GPC6: variants seen among roughly 807,000 people sequenced by gnomAD.
GPC6 encodes glypican-6.
A neutral mutation model predicts 55.2 loss-of-function variants in GPC6; 14 were observed. The observed-to-expected ratio is 0.25, with a 90% CI of 0.17 to 0.40. GPC6 has a LOEUF of 0.40. GPC6 is among the 10% of genes least tolerant of loss of function. The pLI is 1.00. For synonymous variants in GPC6, 278 were observed against 259.6 expected, an observed-to-expected ratio of 1.07 and a Z score of -0.68; for missense variants, 641 against 708.5, an observed-to-expected ratio of 0.90 and a Z score of 1.08.
At chr13:93,927,858 A>G (rs74682352) in intron 3 of GPC6, among the ~76,000 whole-genome samples, 3,984 of 152,224 alleles carry the variant, frequency 0.026, 194 homozygotes, top group African/African-American at 0.091. Flanking sequence ...TTTCTTACCT[A>G]TAAATGAACT....
At chr13:94,146,362 A>G (rs749009341) in intron 4 of GPC6, among the ~76,000 whole-genome samples, 8 of 152,154 alleles carry the variant, frequency 5.3e-5, no homozygotes, top group Non-Finnish European at 1.0e-4. Context: ...GTAATTTACT[A>G]TCTAGGACAG....
intron 4 of GPC6, among the ~76,000 whole-genome samples, chr13:94,285,932 G>C (rs1185934924): frequency 1.3e-5 from 2 of 152,166 alleles, no homozygotes; most frequent in African/African-American, 2.4e-5. Context: ...CTTCAACTGG[G>C]TCTTGACTTT....
chr13:93,824,857 T>C (rs1887177679), intron 2 of GPC6, among the ~76,000 whole-genome samples: 1 of 152,060 alleles, frequency 6.6e-6, no homozygotes, highest in Non-Finnish European at 1.5e-5. Context: ...TGTTCATCCA[T>C]CGATCTATTC....
chr13:94,136,186 C>CTT (rs11321467), intron 4 of GPC6, among the ~76,000 whole-genome samples: 6 of 138,924 alleles, frequency 4.3e-5, no homozygotes, highest in Non-Finnish European at 6.3e-5. Context: ...AGTTTAGCAT[C>CTT]TTTTTTTTTT....
chr13:94,395,179 C>T (rs914837344), intron 7 of GPC6, among the ~76,000 whole-genome samples: 1 of 152,136 alleles, frequency 6.6e-6, no homozygotes, highest in African/African-American at 2.4e-5. Flanking sequence ...ATATAATTGC[C>T]TGTCAGTAAT....
chr13:93,383,279 A>G (rs1415609277), intron 1 of GPC6, among the ~76,000 whole-genome samples: 2 of 152,182 alleles, frequency 1.3e-5, no homozygotes, highest in Non-Finnish European at 2.9e-5. Context: ...TGGTGCAAAC[A>G]TGGCTCACTG....
intron 3 of GPC6, among the ~76,000 whole-genome samples, chr13:94,008,311 T>C (rs1882101173): frequency 6.6e-6 from 1 of 152,180 alleles, no homozygotes; most frequent in Non-Finnish European, 1.5e-5. Context: ...ATGTCCTCCC[T>C]AAAATAAATT....
chr13:94,272,659 A>G (rs372245505), intron 4 of GPC6, among the ~76,000 whole-genome samples: 169 of 151,604 alleles, frequency 1.1e-3, no homozygotes, highest in South Asian at 1.5e-3. Flanking sequence ...TGGTAGAGAC[A>G]GGGTTTCACC....
intron 3 of GPC6, among the ~76,000 whole-genome samples, chr13:93,961,702 A>T (rs191516970): frequency 2.0e-5 from 3 of 152,196 alleles, no homozygotes; most frequent in Non-Finnish European, 4.4e-5. Flanking sequence ...AGAGGAAATG[A>T]TGAACTTCTA....
At chr13:93,861,907 T>A (rs1013245628) in intron 3 of GPC6, among the ~76,000 whole-genome samples, 1 of 151,686 alleles carries the variant, frequency 6.6e-6, no homozygotes, top group Non-Finnish European at 1.5e-5. Context: ...TGCTTGCCTC[T>A]CTGCGCATCA....
At chr13:94,050,668 G>A (rs1883914579) in intron 4 of GPC6, among the ~76,000 whole-genome samples, 1 of 152,092 alleles carries the variant, frequency 6.6e-6, no homozygotes, top group Admixed American at 6.6e-5. Context: ...TGCCAGGATG[G>A]CCTTCAGAGA....
chr13:93,827,654 C>T (rs1200079905), intron 2 of GPC6, among the ~76,000 whole-genome samples: 1 of 152,064 alleles, frequency 6.6e-6, no homozygotes, highest in African/African-American at 2.4e-5. Context: ...TAATAGAAAA[C>T]TTTTGAGACA....
chr13:93,902,754 G>A (rs1876429757), intron 3 of GPC6, among the ~76,000 whole-genome samples: 1 of 152,106 alleles, frequency 6.6e-6, no homozygotes, highest in African/African-American at 2.4e-5. Context: ...GTGTTTCATT[G>A]TGGTTTTCAT....
chr13:93,989,603 G>A (rs1423198124), intron 3 of GPC6, among the ~76,000 whole-genome samples: 1 of 152,118 alleles, frequency 6.6e-6, no homozygotes, highest in Non-Finnish European at 1.5e-5. Flanking sequence ...CCTATGGTGT[G>A]GAGATAGGGG....
At chr13:93,660,596 C>G (rs1055560253) in intron 2 of GPC6, among the ~76,000 whole-genome samples, 3 of 152,122 alleles carry the variant, frequency 2.0e-5, no homozygotes, top group Non-Finnish European at 2.9e-5. Context: ...TCTGTTTGTC[C>G]AATCTGTTCA....
At chr13:93,339,760 C>T (rs1880175349) in intron 1 of GPC6, among the ~76,000 whole-genome samples, 1 of 152,194 alleles carries the variant, frequency 6.6e-6, no homozygotes, top group African/African-American at 2.4e-5. Flanking sequence ...ATGTCCTGCA[C>T]ACTCAAAAGC....
intron 4 of GPC6, among the ~76,000 whole-genome samples, chr13:94,280,832 G>A (rs1422987870): frequency 6.6e-6 from 1 of 151,874 alleles, no homozygotes; most frequent in African/African-American, 2.4e-5. Context: ...ACAACAATAA[G>A]GTAGATTGTG....
intron 1 of GPC6, among the ~76,000 whole-genome samples, chr13:93,472,057 T>A (rs1211760044): frequency 6.6e-6 from 1 of 152,228 alleles, no homozygotes; most frequent in Admixed American, 6.5e-5. Context: ...TAGTTCTGAT[T>A]TTTGTGCATA....
At chr13:93,612,282 G>A (rs1350732644) in intron 2 of GPC6, among the ~76,000 whole-genome samples, 3 of 152,138 alleles carry the variant, frequency 2.0e-5, no homozygotes, top group African/African-American at 4.8e-5. Context: ...TGCGGATCAC[G>A]AGTTCAGGAA....
Sources: gnomAD v4.1 joint callset for allele counts (sites outside exome capture counted in the v4.1 genomes callset) on GRCh38, gnomAD v4.1.1 for gene constraint, MANE v1.5 for transcripts, NCBI Gene and HGNC (gene_info 2026-07-23, HGNC 2026-07-21) for gene names.